The following TMBIM1 variants were observed in gnomAD, a reference collection of about 807,000 sequenced individuals.
The protein encoded by TMBIM1 is transmembrane BAX inhibitor motif containing 1.
A neutral mutation model predicts 45.1 loss-of-function variants in TMBIM1; 34 were observed. The observed-to-expected ratio is 0.75, with a 90% CI of 0.57 to 1.00. The LOEUF is 1.00. Ranked by LOEUF, TMBIM1 falls within the 50% of genes least tolerant of loss-of-function variation. The probability of loss-of-function intolerance (pLI) is 0.00; values close to 1 mark genes in which losing one functional copy is unlikely to be tolerated. For synonymous variants in TMBIM1, 157 were observed against 153.5 expected, an observed-to-expected ratio of 1.02 and a Z score of -0.17; for missense variants, 374 against 402.4, an observed-to-expected ratio of 0.93 and a Z score of 0.60.
rs766301022 is a variant in TMBIM1 at position 218,279,294 on chromosome 2, G to A, written c.363C>T (p.Thr121=). The A allele has an allele frequency of 6.3e-7, 1 of 1,583,938 alleles. No individual in the cohort carries two copies. Among genetic ancestry groups the A allele is most frequent in the Admixed American group, 1.8e-5 (1 of 55,264 alleles). ...GGCAAAGCCTAGAGACTTACACAAA[G>A]GTGAAGATAGCAATGATGGCCACAG... The part of the protein sequence containing the change: ...LITVAIIAIF[T]FVEPVSAFVR... Residue 121 remains threonine, a synonymous_variant, in exon 4 of 12, where the codon ACC becomes ACT. Coordinates refer to ENST00000258412, the MANE Select transcript of TMBIM1 (RefSeq NM_022152.6).
chr2:218,278,949 T>C (rs917833743), intron 5 of TMBIM1, 89 bp downstream of exon 5: 23 of 1,513,630 alleles, frequency 1.5e-5, no homozygotes, highest in Admixed American at 3.7e-5. Flanking sequence ...AAAAAGCATT[T>C]TGATCCTGCC....
At chr2:218,284,711 T>A (rs1325779454) in intron 1 of TMBIM1, among the ~76,000 whole-genome samples, 4 of 152,246 alleles carry the variant, frequency 2.6e-5, no homozygotes, top group Admixed American at 2.6e-4. Context: ...TTCAACTCAC[T>A]ATGCCTCAGT....
At chr2:218,275,903 G>T in intron 11 of TMBIM1, 123 bp downstream of exon 11, 3 of 1,193,800 alleles carry the variant, frequency 2.5e-6, no homozygotes, top group East Asian at 2.5e-5. Context: ...GGACAGTAGT[G>T]AGAGGAATGG....
intron 10 of TMBIM1, 38 bp downstream of exon 10, chr2:218,276,966 A>G (rs1691279008): frequency 1.9e-6 from 3 of 1,554,776 alleles, no homozygotes; most frequent in Non-Finnish European, 2.7e-6. Flanking sequence ...TGCCCTGAGC[A>G]CTGGGTTCCC....
chr2:218,282,227 C>T lies in TMBIM1; in HGVS notation c.-40-46G>A, dbSNP rs566227890. 88 of 1,133,118 alleles carry T rather than the reference C, an allele frequency of 7.8e-5. No homozygotes were observed. In the African/African-American group the frequency reaches 1.1e-3, roughly 15 times the overall value. The allele number at this position is 1,133,118 out of a possible 1,614,324, so 70.2% of individuals were successfully genotyped here. Reference sequence around the variant, plus strand: ...AGCAATCGTGAATGCCCAGGCCCAGCTCACTCAGCCTCATGGGCCCACTTC... The same window carrying T: ...AGCAATCGTGAATGCCCAGGCCCAGTTCACTCAGCCTCATGGGCCCACTTC... On this transcript the variant is annotated intron_variant, in intron 1 of 11. Transcript: ENST00000258412.
At chr2:218,290,796 G>A (rs77648432) in intron 1 of TMBIM1, among the ~76,000 whole-genome samples, 5,432 of 152,266 alleles carry the variant, frequency 0.036, 101 homozygotes, top group African/African-American at 0.048. Context: ...TTTTGGCCTA[G>A]AATCCCAGAA....
intron 5 of TMBIM1, 103 bp downstream of exon 5, chr2:218,278,935 T>G: frequency 7.1e-7 from 1 of 1,399,390 alleles, no homozygotes. Context: ...TTGGGGGCCC[T>G]CTCAAAAAGC....
In TMBIM1 at chr2:218,280,139, G is replaced by T. The variant is rs1163581758; in HGVS notation, c.203-13C>A. The T allele has an allele frequency of 2.5e-6, 4 of 1,595,462 alleles. No homozygotes were observed. Among genetic ancestry groups the T allele is most frequent in the Admixed American group, 1.7e-5 (1 of 59,972 alleles). On this transcript the variant is annotated splice_polypyrimidine_tract_variant and intron_variant, in intron 2 of 11. Transcript: ENST00000258412. ...CCATGGCCTGGGCCTAGGGACAGAT[G>T]ACACTTGACTCAGCTGGGGACCTGA...
At chr2:218,279,651 G>A (rs1691660899) in intron 3 of TMBIM1, 1 of 487,960 alleles carries the variant, frequency 2.0e-6, no homozygotes. Flanking sequence ...AGCTCAGTCT[G>A]CACGCTCTAT....
rs981839942 is a variant in TMBIM1 at position 218,275,279 on chromosome 2, C to T, written c.*196G>A. The T allele has an allele frequency of 1.2e-5, 7 of 604,564 alleles. No homozygotes were observed. In the East Asian group the frequency reaches 1.3e-4, roughly 11 times the overall value. 37.4% of individuals were successfully genotyped at this position (604,564 alleles called of 1,614,324 possible). On this transcript the variant is annotated 3_prime_UTR_variant, in exon 12 of 12. Coordinates refer to ENST00000258412, the MANE Select transcript of TMBIM1 (RefSeq NM_022152.6). ...AAGCCCACCAAGAGCAACAGTTAGT[C>T]CCTAGCTCCTCCGTCCCCACCAAGT...
intron 6 of TMBIM1, 132 bp downstream of exon 6, chr2:218,278,383 C>T: frequency 3.2e-6 from 3 of 932,404 alleles, no homozygotes; most frequent in Admixed American, 3.9e-5. Context: ...CAGTAGCTGT[C>T]ATCGTCATCC....
At chr2:218,280,223 G>A in intron 2 of TMBIM1, 97 bp from the exon 3 acceptor site, 1 of 891,388 alleles carries the variant, frequency 1.1e-6, no homozygotes, top group Non-Finnish European at 1.9e-6. Context: ...GGGATCTCCA[G>A]CCAAAAGACA....
chr2:218,286,814 C>G (rs1574657721), intron 1 of TMBIM1: 1 of 151,880 alleles, frequency 6.6e-6, no homozygotes, highest in South Asian at 2.1e-4. Flanking sequence ...GCTGACTGGT[C>G]CAGGCAGCCT....
chr2:218,275,676 A>G, intron 11 of TMBIM1, 55 bp from the exon 12 acceptor site: 1 of 1,553,092 alleles, frequency 6.4e-7, no homozygotes, highest in East Asian at 2.2e-5. Flanking sequence ...TCCAGAGCTC[A>G]TTTTTGGTCA....
At chr2:218,283,008 C>T (rs984350265) in intron 1 of TMBIM1, among the ~76,000 whole-genome samples, 2 of 152,134 alleles carry the variant, frequency 1.3e-5, no homozygotes, top group East Asian at 1.9e-4. Flanking sequence ...TTACCCCCAC[C>T]CTGGAGGGGG....
chr2:218,285,583 C>T (rs937902965), intron 1 of TMBIM1, among the ~76,000 whole-genome samples: 6 of 152,218 alleles, frequency 3.9e-5, no homozygotes, highest in East Asian at 1.9e-4. Flanking sequence ...CACCCAAGGA[C>T]AGCCAACCCC....
At chr2:218,278,208 T>C in intron 6 of TMBIM1, 1 of 609,290 alleles carries the variant, frequency 1.6e-6, no homozygotes, top group South Asian at 2.0e-5. Context: ...TTTGCAACTC[T>C]TAAACTGACT....
At chr2:218,278,658 T>G (rs752294652) in intron 5 of TMBIM1, 93 bp from the exon 6 acceptor site, 14 of 1,400,388 alleles carry the variant, frequency 1.0e-5, no homozygotes, top group Middle Eastern at 1.8e-4. Context: ...CAAATAGCCG[T>G]TTGGAAGTCT....
intron 8 of TMBIM1, 52 bp downstream of exon 8, chr2:218,277,581 C>A: frequency 6.2e-7 from 1 of 1,613,204 alleles, no homozygotes; most frequent in Non-Finnish European, 8.5e-7. Flanking sequence ...AGGAACACCC[C>A]ACTCCCCACA....
Sources: allele counts gnomAD v4.1 joint callset (sites outside exome capture counted in the v4.1 genomes callset), GRCh38; gene constraint gnomAD v4.1.1; transcripts MANE v1.5; gene names NCBI Gene and HGNC (gene_info 2026-07-23, HGNC 2026-07-21).